Variants in MEIS2 observed in about 807,000 individuals in gnomAD.
MEIS2 encodes the protein homeobox protein Meis2.
Under a neutral mutation model 58.6 loss-of-function variants are expected in MEIS2, and 9 were observed. The ratio of observed to expected loss-of-function variants is 0.15; its 90% CI spans 0.09 to 0.27. The LOEUF (loss-of-function observed/expected upper bound fraction) is 0.27. Ranked by LOEUF, MEIS2 falls within the 10% of genes least tolerant of loss-of-function variation. The pLI, the probability that MEIS2 is intolerant of heterozygous loss-of-function variation, is 1.00. For synonymous variants in MEIS2, 221 were observed against 228.4 expected (o/e 0.97, Z 0.29); for missense variants, 427 against 635.0 (o/e 0.67, Z 3.52).
intron 8 of MEIS2, among the ~76,000 whole-genome samples, chr15:36,952,608 TGTGTGTG>T (rs2058795565): frequency 8.0e-5 from 1 of 12,478 alleles, no homozygotes; most frequent in Non-Finnish European, 6.9e-4. Context: ...TCTCTCTCTC[TGTGTGTG>T]TGTGTGTGTG....
chr15:36,896,140 G>C (rs948114378), intron 10 of MEIS2, among the ~76,000 whole-genome samples: 1 of 152,144 alleles, frequency 6.6e-6, no homozygotes, highest in Non-Finnish European at 1.5e-5. Flanking sequence ...TTATACAAAG[G>C]TAATATTCTT....
At chr15:37,095,334 G>C (rs1567293838) in intron 4 of MEIS2, among the ~76,000 whole-genome samples, 1 of 152,160 alleles carries the variant, frequency 6.6e-6, no homozygotes, top group Non-Finnish European at 1.5e-5. Context: ...CGCTCTCGGC[G>C]CTCGGTCTCC....
Position 36,892,549 on chromosome 15 carries a change from A to AC in MEIS2, c.1148-91_1148-90insG. 9.1e-6 allele frequency: 11 copies of AC among 1,207,012 alleles called. No homozygotes were observed. In the East Asian group the frequency reaches 9.3e-5, roughly 10 times the overall value. 74.8% of individuals were successfully genotyped at this position (1,207,012 alleles called of 1,614,324 possible). A position where few individuals can be genotyped will look rare whatever the true frequency, so the allele number is the denominator to read the frequency against. ...AAAGATGAAAAGAAAAAAAAAAAAA[A>AC]AACAACAGACACTGCAAATCTTATA... On this transcript the variant is annotated intron_variant, in intron 11 of 11. Coordinates refer to ENST00000561208, the MANE Select transcript of MEIS2 (RefSeq NM_170675.5).
At chr15:37,001,373 A>G (rs1567166739) in intron 8 of MEIS2, among the ~76,000 whole-genome samples, 1 of 152,100 alleles carries the variant, frequency 6.6e-6, no homozygotes, top group Admixed American at 6.5e-5. Flanking sequence ...TTCCTACTCC[A>G]GCCCTTTAGT....
At chr15:36,951,960 C>G (rs930926665) in intron 8 of MEIS2, among the ~76,000 whole-genome samples, 5 of 152,130 alleles carry the variant, frequency 3.3e-5, no homozygotes, top group Non-Finnish European at 7.3e-5. Flanking sequence ...TTGGAATCCA[C>G]AGTCAGTAAT....
At chr15:36,983,032 A>C (rs901253182) in intron 8 of MEIS2, among the ~76,000 whole-genome samples, 2 of 152,126 alleles carry the variant, frequency 1.3e-5, no homozygotes, top group African/African-American at 4.8e-5. Flanking sequence ...TGAGTTCCTT[A>C]AACACTTCGG....
chr15:36,951,096 T>C (rs1316389112), intron 8 of MEIS2, among the ~76,000 whole-genome samples: 5 of 152,144 alleles, frequency 3.3e-5, no homozygotes, highest in African/African-American at 1.2e-4. Flanking sequence ...TACCTTCAAC[T>C]ACAACAATAA....
intron 7 of MEIS2, among the ~76,000 whole-genome samples, chr15:37,059,197 T>G (rs1357374399): frequency 6.6e-6 from 1 of 152,190 alleles, no homozygotes; most frequent in African/African-American, 2.4e-5. Flanking sequence ...TTTTATTTTT[T>G]TAATTTCCTG....
chr15:36,982,892 G>A (rs2059974095), intron 8 of MEIS2, among the ~76,000 whole-genome samples: 1 of 152,086 alleles, frequency 6.6e-6, no homozygotes, highest in South Asian at 2.1e-4. Flanking sequence ...ACATTTGCCT[G>A]ATGATTAGTG....
chr15:37,089,792 A>C, intron 6 of MEIS2, among the ~76,000 whole-genome samples: 1 of 152,154 alleles, frequency 6.6e-6, no homozygotes, highest in East Asian at 1.9e-4. Context: ...AGTAGATTTC[A>C]TTTGTCTGAA....
intron 7 of MEIS2, among the ~76,000 whole-genome samples, chr15:37,073,391 C>G (rs969197172): frequency 6.6e-6 from 1 of 152,000 alleles, no homozygotes. Context: ...GTACTCCCCC[C>G]ACCACCACAT....
At chr15:36,910,801 C>T (rs542352369) in intron 9 of MEIS2, among the ~76,000 whole-genome samples, 5 of 152,272 alleles carry the variant, frequency 3.3e-5, no homozygotes, top group African/African-American at 9.6e-5. Context: ...AATCCCAGCA[C>T]TTTGGGAGGC....
intron 8 of MEIS2, among the ~76,000 whole-genome samples, chr15:37,033,644 T>C (rs559556373): frequency 9.8e-5 from 15 of 152,332 alleles, no homozygotes; most frequent in African/African-American, 3.4e-4. Flanking sequence ...TTCAGTGAGC[T>C]AGAGCCAACA....
chr15:37,090,726 G>A (rs979471490), intron 6 of MEIS2, among the ~76,000 whole-genome samples: 1 of 152,072 alleles, frequency 6.6e-6, no homozygotes, highest in East Asian at 1.9e-4. Context: ...AAGAGTAGAG[G>A]TGTATGTGTT....
chr15:36,918,909 C>T (rs1403109927), intron 9 of MEIS2, among the ~76,000 whole-genome samples: 1 of 152,216 alleles, frequency 6.6e-6, no homozygotes, highest in African/African-American at 2.4e-5. Flanking sequence ...ACCTCTCTGA[C>T]TCACCATTTC....
intron 8 of MEIS2, among the ~76,000 whole-genome samples, chr15:36,984,093 G>C (rs1595868185): frequency 6.6e-6 from 1 of 151,878 alleles, no homozygotes; most frequent in African/African-American, 2.4e-5. Context: ...GTCATCTACA[G>C]AGAAATTTTT....
Position 36,966,033 on chromosome 15 carries a change from A to G in MEIS2, c.901-15633T>C, listed in dbSNP as rs537484404. Among the ~76,000 whole-genome samples, 5 of 152,372 alleles carry G rather than the reference A, an allele frequency of 3.3e-5. No individual in the cohort carries two copies. The South Asian group carries it at 6.2e-4, about 19-fold the overall frequency. ...AACTCTATTATATCACAATTAATGCAGAAACTGCAATCAAGCCAGGCTAAT... is the reference window on the plus strand; with the variant it reads ...AACTCTATTATATCACAATTAATGCGGAAACTGCAATCAAGCCAGGCTAAT... On this transcript the variant is annotated intron_variant, in intron 8 of 11. Coordinates refer to ENST00000561208, the MANE Select transcript of MEIS2 (RefSeq NM_170675.5).
At chr15:36,998,949 G>A (rs1451549544) in intron 8 of MEIS2, among the ~76,000 whole-genome samples, 1 of 152,184 alleles carries the variant, frequency 6.6e-6, no homozygotes, top group Non-Finnish European at 1.5e-5. Flanking sequence ...ACTAGTTCTT[G>A]CCATTCTTCT....
chr15:36,936,197 CTTT>C (rs397953201), intron 9 of MEIS2, among the ~76,000 whole-genome samples: 4 of 139,080 alleles, frequency 2.9e-5, no homozygotes, highest in Non-Finnish European at 3.1e-5. Context: ...CATTTTCTTT[CTTT>C]TTTTTTTTTT....
Sources: gnomAD v4.1 joint callset for allele counts (sites outside exome capture counted in the v4.1 genomes callset) on GRCh38, gnomAD v4.1.1 for gene constraint, MANE v1.5 for transcripts, NCBI Gene and HGNC (gene_info 2026-07-23, HGNC 2026-07-21) for gene names.